The following CHRDL2 variants were observed in gnomAD, a reference collection of about 807,000 sequenced individuals.
CHRDL2 encodes chordin-like protein 2.
In CHRDL2, 41 loss-of-function variants were observed where a neutral mutation model predicts 54.3. The ratio of observed to expected loss-of-function variants is 0.76; its 90% confidence interval spans 0.59 to 0.98. The LOEUF is 0.98. Among genes scored for constraint, CHRDL2 ranks in the 50% least tolerant of loss-of-function variants. The pLI is 0.00. For missense variants in CHRDL2, 518 were observed against 562.4 expected (o/e 0.92, Z 0.80); for synonymous variants, 220 against 224.3 (o/e 0.98, Z 0.17).
intron 1 of CHRDL2, among the ~76,000 whole-genome samples, chr11:74,728,494 A>G (rs2034603915): frequency 6.6e-6 from 1 of 151,802 alleles, no homozygotes. Context: ...AATAAGTGAC[A>G]AATCAGGGTC....
At chr11:74,719,717 CT>C (rs1220930598) in intron 1 of CHRDL2, among the ~76,000 whole-genome samples, 1 of 152,226 alleles carries the variant, frequency 6.6e-6, no homozygotes, top group Non-Finnish European at 1.5e-5. Flanking sequence ...TTGTCAATAT[CT>C]GGATGAATGC....
At chr11:74,728,613 T>C (rs2034606859) in intron 1 of CHRDL2, among the ~76,000 whole-genome samples, 1 of 152,002 alleles carries the variant, frequency 6.6e-6, no homozygotes, top group Non-Finnish European at 1.5e-5. Context: ...AGCTCAAGGG[T>C]TCCTCTCCCT....
At chr11:74,726,667 G>A (rs777154044) in intron 1 of CHRDL2, among the ~76,000 whole-genome samples, 4 of 152,220 alleles carry the variant, frequency 2.6e-5, no homozygotes, top group Non-Finnish European at 5.9e-5. Flanking sequence ...GCCAGTCCTG[G>A]AACAGGTGCA....
At position 74,703,453 on chromosome 11, in the gene CHRDL2, G is replaced by A. The variant is rs2033900948; in HGVS notation, c.798C>T (p.His266=). The change falls in exon 8 of 11, where the codon CAC becomes CAT. Residue 266 remains histidine (H), a synonymous_variant. Coordinates refer to ENST00000376332, the MANE Select transcript of CHRDL2 (RefSeq NM_001278473.3). ...AGGGGCCGAAGGCACGGAAGGCCGG[G>A]TGCCACACCTCCCCGTGGGAGTACG... ...GKTYSHGEVW[H]PAFRAFGPLP... is the part of the protein sequence containing the mutation. 3 of 1,612,124 alleles carry A rather than the reference G, an allele frequency of 1.9e-6. No homozygotes were observed. The highest frequency in any genetic ancestry group is 2.2e-5 in the South Asian group (2 of 90,886).
intron 9 of CHRDL2, chr11:74,701,257 A>G (rs992032191): frequency 8.0e-6 from 2 of 251,130 alleles, no homozygotes; most frequent in Admixed American, 1.1e-4. Context: ...AGAAGAGAAA[A>G]CTGAGGCCCA....
chr11:74,715,694 G>C (rs2034330185), intron 2 of CHRDL2, among the ~76,000 whole-genome samples: 1 of 151,312 alleles, frequency 6.6e-6, no homozygotes, highest in African/African-American at 2.4e-5. Flanking sequence ...TAATAAAATA[G>C]AGGGCCTGGC....
intron 4 of CHRDL2, among the ~76,000 whole-genome samples, chr11:74,710,108 C>T (rs979457869): frequency 5.3e-5 from 8 of 151,574 alleles, no homozygotes; most frequent in African/African-American, 1.5e-4. Flanking sequence ...CCCAGCTACT[C>T]GGGAGTCTGA....
chr11:74,721,350 T>C (rs11236232), intron 1 of CHRDL2, among the ~76,000 whole-genome samples: 2,834 of 152,328 alleles, frequency 0.019, 70 homozygotes, highest in African/African-American at 0.065. Context: ...CAGGTCTCTG[T>C]GCCAGTTGGC....
intron 10 of CHRDL2, among the ~76,000 whole-genome samples, chr11:74,696,863 T>C (rs1179537915): frequency 6.6e-6 from 1 of 152,170 alleles, no homozygotes; most frequent in East Asian, 1.9e-4. Flanking sequence ...AAACCCCACC[T>C]GGGTCCATCT....
intron 9 of CHRDL2, among the ~76,000 whole-genome samples, chr11:74,702,161 T>C (rs1351265247): frequency 6.6e-6 from 1 of 151,180 alleles, no homozygotes; most frequent in Non-Finnish European, 1.5e-5. Flanking sequence ...GAGGCTGAGA[T>C]GGGAGGATCG....
intron 9 of CHRDL2, chr11:74,701,523 G>A (rs950871028): frequency 2.8e-6 from 2 of 705,690 alleles, no homozygotes; most frequent in East Asian, 2.7e-5. Flanking sequence ...ACAGGGGGCA[G>A]AGTAGAGCAG....
intron 1 of CHRDL2, among the ~76,000 whole-genome samples, chr11:74,727,295 C>T (rs1021011001): frequency 2.6e-5 from 4 of 152,190 alleles, no homozygotes; most frequent in Non-Finnish European, 5.9e-5. Context: ...TCACATCCTA[C>T]CAGCGGAGCT....
At chr11:74,702,999 A>G in intron 8 of CHRDL2, 32 bp from the exon 9 acceptor site, 1 of 1,568,012 alleles carries the variant, frequency 6.4e-7, no homozygotes, top group African/African-American at 1.4e-5. Flanking sequence ...GAAGTGTTCA[A>G]TAAACGTTGG....
In CHRDL2 at chr11:74,702,911, G is replaced by C; in HGVS notation, c.1003C>G (p.Pro335Ala). 6.2e-7 allele frequency: 1 copy of C among 1,614,148 alleles called. No individual in the cohort carries two copies. Among genetic ancestry groups the C allele is most frequent in the Non-Finnish European group, 8.5e-7 (1 of 1,180,008 alleles). Residue 335 changes from proline to alanine, a missense_variant, in exon 9 of 11, where the codon CCG becomes GCG. Physicochemically the swap from Pro to Ala is conservative, Grantham distance 27. Transcript: ENST00000376332. ...EISSTRCPKA[P>A]GRVLVHTSVS... Reference sequence around the variant, plus strand: ...GATGTGTGGACGAGGACCCGGCCCGGTGCCTTGGGACACCTGGTAGAACTG... The same window carrying C: ...GATGTGTGGACGAGGACCCGGCCCGCTGCCTTGGGACACCTGGTAGAACTG...
intron 10 of CHRDL2, 102 bp from the exon 11 acceptor site, chr11:74,696,687 G>A: frequency 1.2e-6 from 1 of 845,444 alleles, no homozygotes; most frequent in Non-Finnish European, 2.0e-6. Context: ...AGGAGGAACT[G>A]CAAGGGCCAG....
At chr11:74,703,555 C>T (rs1218711014) in intron 7 of CHRDL2, 56 bp from the exon 8 acceptor site, 9 of 1,454,782 alleles carry the variant, frequency 6.2e-6, no homozygotes, top group Non-Finnish European at 8.3e-6. Flanking sequence ...TGGCCAGGGC[C>T]TCTGGTCCAG....
At chr11:74,722,129 C>T (rs1322959292) in intron 1 of CHRDL2, among the ~76,000 whole-genome samples, 2 of 152,090 alleles carry the variant, frequency 1.3e-5, no homozygotes, top group African/African-American at 4.8e-5. Context: ...AGGTGTGTCA[C>T]CTGAGTGTGA....
intron 3 of CHRDL2, among the ~76,000 whole-genome samples, chr11:74,712,151 A>T (rs1309703791): frequency 6.6e-6 from 1 of 151,940 alleles, no homozygotes; most frequent in East Asian, 1.9e-4. Context: ...TTTGAAATCT[A>T]ATTAGGCAGA....
At chr11:74,717,998 T>G (rs925463315) in intron 2 of CHRDL2, among the ~76,000 whole-genome samples, 1 of 152,168 alleles carries the variant, frequency 6.6e-6, no homozygotes, top group Non-Finnish European at 1.5e-5. Flanking sequence ...CCAGTTGATT[T>G]TACAAGGCCC....
Sources: allele counts gnomAD v4.1 joint callset (sites outside exome capture counted in the v4.1 genomes callset), GRCh38; gene constraint gnomAD v4.1.1; transcripts MANE v1.5; gene names NCBI Gene and HGNC (gene_info 2026-07-23, HGNC 2026-07-21).